Variants in ERBB4 observed in about 807,000 individuals in gnomAD.
ERBB4 encodes receptor tyrosine-protein kinase erbB-4.
In ERBB4, 42 loss-of-function variants were observed where a neutral mutation model predicts 158.0. That is an observed-to-expected ratio of 0.27 (90% CI 0.21 to 0.34). ERBB4 has a LOEUF of 0.34. ERBB4 is among the 10% of genes least tolerant of loss of function. The probability of loss-of-function intolerance (pLI) is 1.00; values close to 1 mark genes in which losing one functional copy is unlikely to be tolerated. For synonymous variants in ERBB4, 583 were observed against 558.7 expected (o/e 1.04, Z -0.61); for missense variants, 1,333 against 1,624.1 (o/e 0.82, Z 3.08).
intron 4 of ERBB4, among the ~76,000 whole-genome samples, chr2:211,782,921 TA>T (rs2076071935): frequency 6.6e-6 from 1 of 152,170 alleles, no homozygotes; most frequent in African/African-American, 2.4e-5. Flanking sequence ...AAGTCATTGG[TA>T]GCTTGATGGG....
chr2:211,889,890 A>C, intron 3 of ERBB4, among the ~76,000 whole-genome samples: 1 of 146,900 alleles, frequency 6.8e-6, no homozygotes, highest in Non-Finnish European at 1.5e-5. Context: ...AGCCTCCAAG[A>C]AATATGGGAC....
intron 1 of ERBB4, among the ~76,000 whole-genome samples, chr2:212,261,872 T>C (rs1352702184): frequency 6.6e-6 from 1 of 152,088 alleles, no homozygotes; most frequent in African/African-American, 2.4e-5. Flanking sequence ...TTTATGGGTT[T>C]TGATGCTTAT....
At chr2:212,031,117 G>T (rs1280475731) in intron 2 of ERBB4, among the ~76,000 whole-genome samples, 1 of 151,940 alleles carries the variant, frequency 6.6e-6, no homozygotes, top group Non-Finnish European at 1.5e-5. Context: ...TCTTTGCCCA[G>T]CAAAATCTTT....
At chr2:211,592,587 A>G (rs556772573) in intron 19 of ERBB4, among the ~76,000 whole-genome samples, 2 of 152,334 alleles carry the variant, frequency 1.3e-5, no homozygotes, top group South Asian at 4.1e-4. Context: ...GAGGATTTCA[A>G]GGTTCCAAAA....
chr2:211,527,462 A>G (rs4541194), intron 20 of ERBB4, among the ~76,000 whole-genome samples: 28,905 of 152,044 alleles, frequency 0.19, 3,292 homozygotes, highest in Middle Eastern at 0.26. Flanking sequence ...GAATACTTCA[A>G]CTGGGAAGAA....
chr2:211,699,378 G>GTTTAAATGTTTCATCTAAAAATGAAA (rs2073148407), intron 12 of ERBB4, among the ~76,000 whole-genome samples: 1 of 152,116 alleles, frequency 6.6e-6, no homozygotes, highest in Non-Finnish European at 1.5e-5. Context: ...CATTTACAGT[G>GTTTAAATGTTTCATCTAAAAATGAAA]CATTTAAAAT....
chr2:211,808,457 T>G (rs2105908636), intron 3 of ERBB4, among the ~76,000 whole-genome samples: 1 of 152,298 alleles, frequency 6.6e-6, no homozygotes, highest in Non-Finnish European at 1.5e-5. Flanking sequence ...ATGTTATTTC[T>G]GAGGCCTCTG....
intron 1 of ERBB4, among the ~76,000 whole-genome samples, chr2:212,375,793 A>G (rs2090298592): frequency 6.6e-6 from 1 of 152,132 alleles, no homozygotes; most frequent in African/African-American, 2.4e-5. Flanking sequence ...TATCAGAGCA[A>G]CATGAATTCT....
chr2:211,782,146 A>T (rs2076052614), intron 4 of ERBB4, among the ~76,000 whole-genome samples: 2 of 151,812 alleles, frequency 1.3e-5, no homozygotes. Context: ...AGTACTTTTC[A>T]CTCAGGCCTT....
At chr2:211,482,318 A>C (rs2065104043) in intron 20 of ERBB4, among the ~76,000 whole-genome samples, 1 of 152,222 alleles carries the variant, frequency 6.6e-6, no homozygotes, top group African/African-American at 2.4e-5. Context: ...CCAGAGTAGA[A>C]AACTTCACAC....
chr2:211,721,443 C>CAAAAAAAAAAAAAAAAAAA lies in ERBB4; in HGVS notation c.883+931_883+949dup, dbSNP rs71054136. Among the ~76,000 whole-genome samples, 55 of 54,494 alleles carry CAAAAAAAAAAAAAAAAAAA rather than the reference C, an allele frequency of 1.0e-3. 9 individuals carry two copies. The highest frequency in any genetic ancestry group is 1.8e-3 in the African/African-American group (19 of 10,536). The allele number at this position is 54,494 out of a possible 152,430, so 35.8% of individuals were successfully genotyped here. Reference sequence around the variant, plus strand: ...GAAATGTCCCATTGGTTACTCAAAGCAAAAAAAAAAAAAAAAAAAAAATAG... The same window carrying CAAAAAAAAAAAAAAAAAAA: ...GAAATGTCCCATTGGTTACTCAAAGCAAAAAAAAAAAAAAAAAAAAAAAAAAAAAAAAAAAAAAAAATAG... On this transcript the variant is annotated intron_variant, in intron 7 of 27. Coordinates refer to ENST00000342788, the MANE Select transcript of ERBB4 (RefSeq NM_005235.3).
intron 1 of ERBB4, among the ~76,000 whole-genome samples, chr2:212,397,246 G>A (rs749160426): frequency 2.6e-5 from 4 of 152,030 alleles, no homozygotes; most frequent in African/African-American, 9.7e-5. Flanking sequence ...AGACTGAGGC[G>A]GGAGGATCAC....
At chr2:211,802,163 G>T (rs1362723961) in intron 3 of ERBB4, among the ~76,000 whole-genome samples, 1 of 152,110 alleles carries the variant, frequency 6.6e-6, no homozygotes, top group African/African-American at 2.4e-5. Flanking sequence ...GGAGGCTGAG[G>T]CAGGAGAATG....
chr2:212,345,664 C>T (rs2088964335), intron 1 of ERBB4, among the ~76,000 whole-genome samples: 1 of 151,924 alleles, frequency 6.6e-6, no homozygotes, highest in Admixed American at 6.6e-5. Flanking sequence ...CTATTAACAG[C>T]TAAATTTGAA....
intron 20 of ERBB4, among the ~76,000 whole-genome samples, chr2:211,487,133 C>T (rs1446743815): frequency 1.4e-5 from 2 of 145,476 alleles, no homozygotes; most frequent in Non-Finnish European, 3.0e-5. Flanking sequence ...TCTCCTAATG[C>T]TATCCCTCCC....
At chr2:212,510,818 A>C (rs1364389261) in intron 1 of ERBB4, among the ~76,000 whole-genome samples, 2 of 152,098 alleles carry the variant, frequency 1.3e-5, no homozygotes, top group Non-Finnish European at 2.9e-5. Flanking sequence ...TATGAAACAA[A>C]GTAATAGCCA....
intron 1 of ERBB4, among the ~76,000 whole-genome samples, chr2:212,436,375 A>T (rs1206646666): frequency 6.6e-6 from 1 of 152,106 alleles, no homozygotes; most frequent in African/African-American, 2.4e-5. Flanking sequence ...CCAAGTAGGC[A>T]TGACTGACAT....
At chr2:211,503,481 C>T (rs1485598688) in intron 20 of ERBB4, among the ~76,000 whole-genome samples, 1 of 152,136 alleles carries the variant, frequency 6.6e-6, no homozygotes, top group African/African-American at 2.4e-5. Flanking sequence ...GCATACCCCA[C>T]ATTGATCTGC....
chr2:211,610,240 A>G (rs2069144284), intron 19 of ERBB4, among the ~76,000 whole-genome samples: 1 of 152,152 alleles, frequency 6.6e-6, no homozygotes, highest in East Asian at 1.9e-4. Context: ...ATATGTGCCT[A>G]TTGCAATTAT....
Sources: allele counts gnomAD v4.1 joint callset (sites outside exome capture counted in the v4.1 genomes callset), GRCh38; gene constraint gnomAD v4.1.1; transcripts MANE v1.5; gene names NCBI Gene and HGNC (gene_info 2026-07-23, HGNC 2026-07-21).